The following XAF1 variants were observed in gnomAD, a reference collection of about 807,000 sequenced individuals.
The protein encoded by XAF1 is XIAP associated factor 1, also known as XIAP-associated factor 1.
In XAF1, 32 loss-of-function variants were observed where a neutral mutation model predicts 32.3. The ratio of observed to expected loss-of-function variants is 0.99; its 90% CI spans 0.75 to 1.33. The LOEUF (loss-of-function observed/expected upper bound fraction) is 1.33. XAF1 is among the 40% of genes most tolerant of loss of function. The probability of loss-of-function intolerance (pLI) is 0.00; values close to 1 mark genes in which losing one functional copy is unlikely to be tolerated. For synonymous variants in XAF1, 120 were observed against 125.9 expected (o/e 0.95, Z 0.31); for missense variants, 379 against 366.0 (o/e 1.04, Z -0.29).
chr17:6,759,829 TC>T (rs1427180118), intron 3 of XAF1, 111 bp downstream of exon 3: 1 of 1,511,308 alleles, frequency 6.6e-7, no homozygotes, highest in Admixed American at 1.7e-5. Context: ...ACCACTCTTT[TC>T]ACCCCATTAG....
At chr17:6,763,486 C>A (rs967222217) in intron 5 of XAF1, among the ~76,000 whole-genome samples, 1 of 152,088 alleles carries the variant, frequency 6.6e-6, no homozygotes, top group Non-Finnish European at 1.5e-5. Flanking sequence ...TGCCACCACG[C>A]CCGGCTAATT....
Position 6,770,784 on chromosome 17 carries a change from A to G in XAF1, c.649A>G (p.Ile217Val), listed in dbSNP as rs767946799. 2 of 1,614,132 alleles carry G rather than the reference A, an allele frequency of 1.2e-6. No individual in the cohort carries two copies. Among genetic ancestry groups the G allele is most frequent in the Non-Finnish European group, 1.7e-6 (2 of 1,180,014 alleles). The change falls in exon 6 of 7, where the codon ATA becomes GTA. Residue 217 changes from isoleucine to valine, a missense_variant. By Grantham distance (29) the Ile-to-Val change is conservative. Transcript: ENST00000361842. Reference sequence around the variant, plus strand: ...AGATGTTCGTCCAAAGACAAGAAGTATAAACAGATTTCCTCTTCATTCTGA... The same window carrying G: ...AGATGTTCGTCCAAAGACAAGAAGTGTAAACAGATTTCCTCTTCATTCTGA... ...EKDVRPKTRS[I>V]NRFPLHSESS... is the part of the protein sequence containing the mutation.
chr17:6,763,522 G>C lies in XAF1; in HGVS notation c.507+1282G>C, dbSNP rs369249928. Reference sequence around the variant, plus strand: ...TTTGTATTTTTTTTTAGTAGAGACGGGGTTTTACCATGTTGGCCAGGCCAG... The same window carrying C: ...TTTGTATTTTTTTTTAGTAGAGACGCGGTTTTACCATGTTGGCCAGGCCAG... On this transcript the variant is annotated intron_variant, in intron 5 of 6. Coordinates refer to ENST00000361842, the MANE Select transcript of XAF1 (RefSeq NM_017523.5). 2.5e-3 allele frequency among the ~76,000 whole-genome samples: 380 copies of C among 152,172 alleles called. 3 individuals carry two copies. Among genetic ancestry groups the C allele is most frequent in the African/African-American group, 8.8e-3 (365 of 41,554 alleles).
rs1975112771 is a variant in XAF1, at chr17:6,760,560, A to G, written c.380A>G (p.His127Arg). ...QFIMHRMLAQ[H>R]RDVCRSEQAQ... is the part of the protein sequence containing the mutation. The stretch of plus-strand genomic sequence containing the variant: ...ATCATGCACCGCATGCTCGCCCAGC[A>G]CAGAGATGTCTGTCGCAGTGAACAG... Residue 127 changes from histidine to arginine, a missense_variant, in exon 4 of 7, where the codon CAC (histidine) becomes CGC (arginine). By Grantham distance (29) the His-to-Arg change is conservative. Coordinates refer to ENST00000361842, the MANE Select transcript of XAF1 (RefSeq NM_017523.5). 5 of 1,613,284 alleles carry G rather than the reference A, an allele frequency of 3.1e-6. No individual in the cohort carries two copies. The highest frequency in any genetic ancestry group is 3.4e-6 in the Non-Finnish European group (4 of 1,179,874).
At chr17:6,770,621 G>T in intron 5 of XAF1, 22 bp from the exon 6 acceptor site, 3 of 1,531,518 alleles carry the variant, frequency 2.0e-6, no homozygotes, top group South Asian at 2.6e-5. Context: ...TTTAAAATTT[G>T]ATATATTATT....
Position 6,764,831 on chromosome 17 carries a change from A to C in XAF1, c.507+2591A>C, listed in dbSNP as rs552306634. 2.5e-3 allele frequency among the ~76,000 whole-genome samples: 374 copies of C among 152,280 alleles called. 3 individuals are homozygous for C. The highest frequency in any genetic ancestry group is 8.6e-3 in the African/African-American group (359 of 41,552). ...TCCAGTCTGGCTCTCCATTTTAACC[A>C]AATCTGCTCTTGTCAAAATCAATGA... On this transcript the variant is annotated intron_variant, in intron 5 of 6. Transcript: ENST00000361842.
upstream of XAF1, chr17:6,755,454 G>C (rs1341485829): frequency 1.0e-6 from 1 of 986,372 alleles, no homozygotes; most frequent in Non-Finnish European, 1.2e-6. Flanking sequence ...TCCAGATGTT[G>C]TTTAGAGTTC....
chr17:6,764,829 C>T lies in XAF1; in HGVS notation c.507+2589C>T, dbSNP rs532677429. ...ACTCCAGTCTGGCTCTCCATTTTAA[C>T]CAAATCTGCTCTTGTCAAAATCAAT... On this transcript the variant is annotated intron_variant, in intron 5 of 6. Coordinates refer to ENST00000361842, the MANE Select transcript of XAF1 (RefSeq NM_017523.5). 5.3e-5 allele frequency among the ~76,000 whole-genome samples: 8 copies of T among 152,288 alleles called. No homozygotes were observed. The South Asian group carries it at 1.7e-3, about 32-fold the overall frequency.
Position 6,770,778 on chromosome 17 carries a change from A to G in XAF1, c.643A>G (p.Arg215Gly). 6.2e-7 allele frequency: 1 copy of G among 1,614,110 alleles called. No individual in the cohort carries two copies. The highest frequency in any genetic ancestry group is 1.1e-5 in the South Asian group (1 of 91,038). ...TMEKDVRPKT[R>G]SINRFPLHSE... The stretch of plus-strand genomic sequence containing the variant: ...GGAGAAAGATGTTCGTCCAAAGACA[A>G]GAAGTATAAACAGATTTCCTCTTCA... The change falls in exon 6 of 7, where the codon AGA becomes GGA. Residue 215 changes from arginine to glycine, a missense_variant. Physicochemically the swap from Arg to Gly is moderately radical, Grantham distance 125. Coordinates refer to ENST00000361842, the MANE Select transcript of XAF1 (RefSeq NM_017523.5).
chr17:6,771,056 T>G (rs1031666422), intron 6 of XAF1, 72 bp downstream of exon 6: 3 of 1,513,198 alleles, frequency 2.0e-6, no homozygotes, highest in Non-Finnish European at 2.7e-6. Context: ...ATCCAAGACC[T>G]GAAAGATGTT....
Position 6,756,066 on chromosome 17 carries a change from CAG to C in XAF1, c.-8_-7del. On this transcript the variant is annotated 5_prime_UTR_variant, in exon 1 of 7. Coordinates refer to ENST00000361842, the MANE Select transcript of XAF1 (RefSeq NM_017523.5). ...GAAACGAAACTCAACCGAAAGCCTG[CAG>C]AGAGCAGAACATGGAAGGAGACTTC... 1.2e-6 allele frequency: 2 copies of C among 1,613,796 alleles called. No individual in the cohort carries two copies. Among genetic ancestry groups the C allele is most frequent in the Non-Finnish European group, 1.7e-6 (2 of 1,179,914 alleles).
chr17:6,774,024 C>G lies in XAF1; in HGVS notation c.*855C>G, dbSNP rs1976249520. 6.6e-6 allele frequency: 1 copy of G among 152,046 alleles called. No homozygotes were observed. Among genetic ancestry groups the G allele is most frequent in the South Asian group, 2.1e-4 (1 of 4,818 alleles). The allele number at this position is 152,046 out of a possible 1,614,324, so 9.4% of individuals were successfully genotyped here. On this transcript the variant is annotated 3_prime_UTR_variant, in exon 7 of 7. Transcript: ENST00000361842. The stretch of plus-strand genomic sequence containing the variant: ...TTCCTATCAAACTACCAATAACATT[C>G]TTCACAGAATCAGAAAAAAAAAGCA...
intron 6 of XAF1, 126 bp from the exon 7 acceptor site, chr17:6,772,987 C>A: frequency 1.2e-6 from 1 of 803,814 alleles, no homozygotes; most frequent in Non-Finnish European, 1.9e-6. Flanking sequence ...TTTTCTATGC[C>A]ATTACACTCC....
At chr17:6,763,794 A>C (rs1286877969) in intron 5 of XAF1, among the ~76,000 whole-genome samples, 1 of 152,204 alleles carries the variant, frequency 6.6e-6, no homozygotes, top group Non-Finnish European at 1.5e-5. Context: ...ATGCAGGGTC[A>C]CATGATTTCC....
chr17:6,766,355 T>C lies in XAF1; in HGVS notation c.507+4115T>C, dbSNP rs1975628440. ...TAAGCCCCACTGGTCCCCTTCATGC[T>C]AACTACTCCCCAGACACAAATACTC... On this transcript the variant is annotated intron_variant, in intron 5 of 6. Coordinates refer to ENST00000361842, the MANE Select transcript of XAF1 (RefSeq NM_017523.5). Among the ~76,000 whole-genome samples, 4 of 152,258 alleles carry C rather than the reference T, an allele frequency of 2.6e-5. 1 individual carries two copies. The South Asian group carries it at 6.2e-4, about 24-fold the overall frequency.
In XAF1 at chr17:6,773,105, T is replaced by A; in HGVS notation, c.850-8T>A. 6.2e-7 allele frequency: 1 copy of A among 1,602,542 alleles called. No individual in the cohort carries two copies. Among genetic ancestry groups the A allele is most frequent in the Non-Finnish European group, 8.5e-7 (1 of 1,176,810 alleles). ...CCATATCAAACTTTTTTTATATCCA[T>A]TTCTTAGGAGAAATGCCGGTGGTTA... On this transcript the variant is annotated splice_region_variant and splice_polypyrimidine_tract_variant and intron_variant, in intron 6 of 6. Transcript: ENST00000361842.
chr17:6,761,898 A>G, intron 4 of XAF1: 1 of 1,477,778 alleles, frequency 6.8e-7, no homozygotes, highest in Admixed American at 2.0e-5. Flanking sequence ...ACCAGTCCTG[A>G]TCCAGGAAAA....
rs1975984704 is a variant in XAF1 at position 6,770,910 on chromosome 17, G to A, written c.775G>A (p.Ala259Thr). ...PRTSSPRGDK[A>T]AYDILRRCSQ... is the part of the protein sequence containing the mutation. ...GACCAGCTCCCCTAGAGGAGATAAA[G>A]CAGCCTATGACATTCTGAGGAGATG... Residue 259 changes from alanine to threonine, a missense_variant, in exon 6 of 7, where the codon GCA becomes ACA. Ala to Thr is a moderately conservative substitution (Grantham distance 58). Transcript: ENST00000361842. 1.2e-6 allele frequency: 2 copies of A among 1,614,004 alleles called. No homozygotes were observed. Among genetic ancestry groups the A allele is most frequent in the Admixed American group, 1.7e-5 (1 of 59,994 alleles).
intron 6 of XAF1, among the ~76,000 whole-genome samples, chr17:6,772,351 AC>A (rs772383605): frequency 2.0e-5 from 3 of 151,648 alleles, no homozygotes; most frequent in Non-Finnish European, 4.4e-5. Context: ...TAACCAGGAC[AC>A]CCTGTATTTT....
Sources: allele counts gnomAD v4.1 joint callset (sites outside exome capture counted in the v4.1 genomes callset), GRCh38; gene constraint gnomAD v4.1.1; transcripts MANE v1.5; gene names NCBI Gene and HGNC (gene_info 2026-07-23, HGNC 2026-07-21).